The following MYH1 variants were observed in gnomAD, a reference collection of about 807,000 sequenced individuals.
The protein encoded by MYH1 is myosin-1.
Under a neutral mutation model 225.6 loss-of-function variants are expected in MYH1, and 214 were observed. The ratio of observed to expected loss-of-function variants is 0.95; its 90% confidence interval spans 0.85 to 1.06. MYH1 has a LOEUF of 1.06. MYH1 is among the 50% of genes least tolerant of loss of function. MYH1 has a pLI of 0.00. For synonymous variants in MYH1, 774 were observed against 842.3 expected, an observed-to-expected ratio of 0.92 and a Z score of 1.40; for missense variants, 2,098 against 2,344.2, an observed-to-expected ratio of 0.89 and a Z score of 2.17.
intron 30 of MYH1, 96 bp downstream of exon 30, chr17:10,498,530 G>T: frequency 6.6e-7 from 1 of 1,520,278 alleles, no homozygotes; most frequent in Non-Finnish European, 9.0e-7. Context: ...CAACAATATG[G>T]CTGTATATGG....
intron 2 of MYH1, among the ~76,000 whole-genome samples, chr17:10,517,434 GT>G (rs1567724298): frequency 6.6e-6 from 1 of 151,982 alleles, no homozygotes; most frequent in African/African-American, 2.4e-5. Context: ...TATTACCTAT[GT>G]TTTCTTGCTC....
In MYH1 at chr17:10,517,712, A is replaced by ATG. The variant is rs61289668; in HGVS notation, c.-41+526_-41+527dup. ...GTATTGTGTGTGTGTATATATACAT[A>ATG]TGTGTGTGTGTGTGTGTATATATTC... On this transcript the variant is annotated intron_variant, in intron 2 of 39. Transcript: ENST00000226207. 6.5e-3 allele frequency among the ~76,000 whole-genome samples: 981 copies of ATG among 151,054 alleles called. 6 individuals carry two copies. The highest frequency in any genetic ancestry group is 0.02 in the African/African-American group (845 of 41,240).
In MYH1 at chr17:10,509,613, T is replaced by C. The variant is rs1229351905; in HGVS notation, c.1459A>G (p.Lys487Glu). 1 of 1,614,214 alleles carries C rather than the reference T, an allele frequency of 6.2e-7. No individual in the cohort carries two copies. Among genetic ancestry groups the C allele is most frequent in the Non-Finnish European group, 8.5e-7 (1 of 1,180,036 alleles). Residue 487 changes from lysine to glutamate, a missense_variant, in exon 15 of 40, where the codon AAA (lysine) becomes GAA (glutamate). Coordinates refer to ENST00000226207, the MANE Select transcript of MYH1 (RefSeq NM_005963.4). The stretch of plus-strand genomic sequence containing the variant: ...TGGTGGTTGAAAAACTGTTGCAGTT[T>C]CTCATTGGTGAAGTTGATGCACAGC... ...EQLCINFTNE[K>E]LQQFFNHHMF...
Position 10,495,973 on chromosome 17 carries a change from G to A in MYH1, c.5146C>T (p.Arg1716Cys), listed in dbSNP as rs1077841. ...ACCTGGGTGTGCAGGAGCTGAACAC[G>A]CTCACTGGCATCCAGGAGCTCCTGT... ...AEQELLDASE[R>C]VQLLHTQNTS... Residue 1716 changes from arginine to cysteine, a missense_variant, in exon 35 of 40, where the codon CGT becomes TGT. Arg to Cys is a radical substitution (Grantham distance 180). Coordinates refer to ENST00000226207, the MANE Select transcript of MYH1 (RefSeq NM_005963.4). The A allele has an allele frequency of 9.6e-5, 155 of 1,613,942 alleles. No homozygotes were observed. In the African/African-American group the frequency reaches 1.7e-3, roughly 18 times the overall value.
In MYH1 at chr17:10,516,299, G is replaced by A; in HGVS notation, c.248C>T (p.Pro83Leu). 1 of 1,614,156 alleles carries A rather than the reference G, an allele frequency of 6.2e-7. No homozygotes were observed. The highest frequency in any genetic ancestry group is 8.5e-7 in the Non-Finnish European group (1 of 1,180,040). The change falls in exon 4 of 40, where the codon CCC (proline) becomes CTC (leucine). Residue 83 changes from proline to leucine, a missense_variant. Transcript: ENST00000226207. ...KDDQVFPMNPPKYDKIEDMAM... is the reference protein window; with the variant it reads ...KDDQVFPMNPLKYDKIEDMAM... ...CATGTCCTCGATCTTGTCATATTTG[G>A]GAGGGTTCATGGGGAAGACTTGGTC...
intron 3 of MYH1, 29 bp downstream of exon 3, chr17:10,516,410 T>C: frequency 6.2e-7 from 1 of 1,613,840 alleles, no homozygotes; most frequent in Non-Finnish European, 8.5e-7. Flanking sequence ...TGAGGCAGAG[T>C]CTAATCAGCT....
Position 10,497,278 on chromosome 17 carries a change from T to G in MYH1, c.4531+9A>C, listed in dbSNP as rs753825280. 49 of 1,594,872 alleles carry G rather than the reference T, an allele frequency of 3.1e-5. No individual in the cohort carries two copies. Among genetic ancestry groups the G allele is most frequent in the African/African-American group, 6.8e-5 (5 of 73,410 alleles). On this transcript the variant is annotated intron_variant, in intron 32 of 39. Coordinates refer to ENST00000226207, the MANE Select transcript of MYH1 (RefSeq NM_005963.4). ...TTTTATTGTTAAAGAAAAGGTAAAA[T>G]GTTCTCACGTTGCAAATTCTTATTT...
At chr17:10,506,493 C>T (rs1402850146) in intron 17 of MYH1, among the ~76,000 whole-genome samples, 1 of 151,518 alleles carries the variant, frequency 6.6e-6, no homozygotes, top group South Asian at 2.1e-4. Context: ...TTTTCTTCTT[C>T]TTCTTTTTTT....
rs780203692 is a variant in MYH1 at position 10,497,447 on chromosome 17, C to T, written c.4371G>A (p.Leu1457=). 6.2e-7 allele frequency: 1 copy of T among 1,600,060 alleles called. No individual in the cohort carries two copies. The highest frequency in any genetic ancestry group is 1.4e-5 in the African/African-American group (1 of 74,034). ...CTTCACACTTCTGTTTCCATTCTGC[C>T]AGGATCTGAAGGTCAAGGAATGGAC... is the stretch of plus-strand genomic sequence containing the variant. ...DKKQRNFDKI[L]AEWKQKCEET... Residue 1457 remains leucine, a synonymous_variant, in exon 32 of 40, where the codon CTG becomes CTA. Coordinates refer to ENST00000226207, the MANE Select transcript of MYH1 (RefSeq NM_005963.4).
rs776155566 is a variant in MYH1 at position 10,494,652 on chromosome 17, C to G, written c.5488G>C (p.Val1830Leu). ...ACATTGCGCTTCTGTTCACTTTCAA[C>G]TTCACCTTCAAGTTCACGAACCTAC... ...EARVRELEGEVESEQKRNVEA... is the reference protein window; with the variant it reads ...EARVRELEGELESEQKRNVEA... The change falls in exon 38 of 40, where the codon GTT becomes CTT. Residue 1830 changes from valine to leucine, a missense_variant. Coordinates refer to ENST00000226207, the MANE Select transcript of MYH1 (RefSeq NM_005963.4). The G allele has an allele frequency of 9.9e-6, 16 of 1,614,024 alleles. No homozygotes were observed. Among genetic ancestry groups the G allele is most frequent in the Non-Finnish European group, 1.4e-5 (16 of 1,180,016 alleles).
intron 2 of MYH1, among the ~76,000 whole-genome samples, chr17:10,516,937 G>C (rs1437635953): frequency 1.3e-5 from 2 of 152,136 alleles, no homozygotes; most frequent in Admixed American, 6.5e-5. Context: ...TGCTTTCTCT[G>C]TTTCATTTGT....
chr17:10,513,711 G>A, intron 8 of MYH1, 22 bp from the exon 9 acceptor site: 1 of 1,613,610 alleles, frequency 6.2e-7, no homozygotes. Flanking sequence ...AAAAAATGAT[G>A]TTATACCCAA....
chr17:10,495,828 A>T, intron 35 of MYH1, 122 bp downstream of exon 35: 1 of 1,210,738 alleles, frequency 8.3e-7, no homozygotes. Flanking sequence ...CAAAAAAATA[A>T]AATATTTTAA....
In MYH1 at chr17:10,495,224, C is replaced by T; in HGVS notation, c.5263G>A (p.Ala1755Thr). ...MEDIIQEARN[A>T]EEKAKKAITD... is the part of the protein sequence containing the mutation. Reference sequence around the variant, plus strand: ...ATGGCCTTCTTGGCCTTCTCTTCTGCATTGCGGGCTTCCTGGATGATGTCT... The same window carrying T: ...ATGGCCTTCTTGGCCTTCTCTTCTGTATTGCGGGCTTCCTGGATGATGTCT... The change falls in exon 36 of 40, where the codon GCA becomes ACA. Residue 1755 changes from alanine (A) to threonine (T), a missense_variant. Coordinates refer to ENST00000226207, the MANE Select transcript of MYH1 (RefSeq NM_005963.4). 6.2e-7 allele frequency: 1 copy of T among 1,614,242 alleles called. No homozygotes were observed. The highest frequency in any genetic ancestry group is 8.5e-7 in the Non-Finnish European group (1 of 1,180,048).
chr17:10,507,345 G>A (rs1052471085), intron 17 of MYH1, among the ~76,000 whole-genome samples: 1 of 152,172 alleles, frequency 6.6e-6, no homozygotes, highest in Non-Finnish European at 1.5e-5. Flanking sequence ...TTACAGGCGT[G>A]AGCAACTGTG....
chr17:10,501,727 G>A (rs1567717671), intron 25 of MYH1, 39 bp downstream of exon 25: 3 of 1,613,938 alleles, frequency 1.9e-6, no homozygotes, highest in East Asian at 4.5e-5. Context: ...AATATTAAGA[G>A]TAATTTCCCC....
At chr17:10,511,815 G>A (rs755418137) in intron 14 of MYH1, 24 bp downstream of exon 14, 2 of 1,613,830 alleles carry the variant, frequency 1.2e-6, no homozygotes, top group African/African-American at 2.7e-5. Context: ...AAACTTTTTT[G>A]GTACAATTTT....
intron 29 of MYH1, 30 bp downstream of exon 29, chr17:10,498,944 A>G (rs2073024204): frequency 1.9e-6 from 3 of 1,604,628 alleles, no homozygotes; most frequent in African/African-American, 2.7e-5. Context: ...AACAAGAACA[A>G]TAATGACAAG....
At chr17:10,500,909 G>A (rs541728194) in intron 27 of MYH1, among the ~76,000 whole-genome samples, 157 bp from the exon 28 acceptor site, 1 of 152,246 alleles carries the variant, frequency 6.6e-6, no homozygotes, top group Non-Finnish European at 1.5e-5. Context: ...ATAGTGAATG[G>A]AAAGACTAAT....
Sources: gnomAD v4.1 joint callset for allele counts (sites outside exome capture counted in the v4.1 genomes callset) on GRCh38, gnomAD v4.1.1 for gene constraint, MANE v1.5 for transcripts, NCBI Gene and HGNC (gene_info 2026-07-23, HGNC 2026-07-21) for gene names.